The following SRGAP2 variants were observed in gnomAD, a reference collection of about 807,000 sequenced individuals.
The protein encoded by SRGAP2 is SLIT-ROBO Rho GTPase-activating protein 2.
Under a neutral mutation model 57.2 loss-of-function variants are expected in SRGAP2, and 15 were observed. That is an observed-to-expected ratio of 0.26 (90% confidence interval 0.18 to 0.40). The LOEUF (loss-of-function observed/expected upper bound fraction) is 0.40. Among genes scored for constraint, SRGAP2 ranks in the 10% least tolerant of loss-of-function variants. The pLI is 1.00. For missense variants in SRGAP2, 520 were observed against 669.6 expected (o/e 0.78, Z 2.47); for synonymous variants, 249 against 248.0 (o/e 1.00, Z -0.04).
intron 2 of SRGAP2, among the ~76,000 whole-genome samples, chr1:206,285,420 C>G (rs1375562479): frequency 4.5e-4 from 69 of 152,230 alleles, no homozygotes; most frequent in African/African-American, 1.6e-3. Context: ...CCACCTTCCC[C>G]ATGGCTGCCT....
At position 206,454,553 on chromosome 1, in the gene SRGAP2, A is replaced by C. The variant is rs1424221850; in HGVS notation, c.2361-325A>C. The C allele has an allele frequency of 2.5e-6, 1 of 407,762 alleles. No individual in the cohort carries two copies. Among genetic ancestry groups the C allele is most frequent in the Non-Finnish European group, 4.4e-6 (1 of 229,210 alleles). The allele number at this position is 407,762 out of a possible 1,614,324, so 25.3% of individuals were successfully genotyped here. On this transcript the variant is annotated intron_variant, in intron 20 of 22. Transcript: ENST00000573034. This position sits in a 1 kb window ranked among gnomAD's most constrained non-coding sequence, Gnocchi z 4.3. ...TGGACTTGCCGCCTCCTTCTCCAGGAGGCCGCCCCAGCACGGCCTCCCCAG... is the reference window on the plus strand; with the variant it reads ...TGGACTTGCCGCCTCCTTCTCCAGGCGGCCGCCCCAGCACGGCCTCCCCAG...
At chr1:206,422,188 G>A (rs1055382431) in intron 13 of SRGAP2, among the ~76,000 whole-genome samples, 2 of 152,146 alleles carry the variant, frequency 1.3e-5, no homozygotes, top group East Asian at 1.9e-4. Flanking sequence ...TAAAGAGGGC[G>A]CATGGTTTTT....
chr1:206,267,286 C>T (rs1274717709), intron 2 of SRGAP2, among the ~76,000 whole-genome samples: 5 of 152,086 alleles, frequency 3.3e-5, no homozygotes, highest in South Asian at 4.1e-4. Context: ...ACATTCATGG[C>T]GCTAGAGGCT....
chr1:206,203,741 G>A (rs1427076939), intron 1 of SRGAP2, 91 bp downstream of exon 1: 3 of 1,431,672 alleles, frequency 2.1e-6, no homozygotes, highest in African/African-American at 2.9e-5. Context: ...GGAAGGAGAG[G>A]GCGCGGATGC....
At chr1:206,457,291 C>CT (rs1663919346) in intron 21 of SRGAP2, among the ~76,000 whole-genome samples, 1 of 152,170 alleles carries the variant, frequency 6.6e-6, no homozygotes, top group Admixed American at 6.5e-5. Flanking sequence ...GTGCCAAGCA[C>CT]TGCTGGTGTT....
At chr1:206,414,117 C>T (rs1181358651) in intron 10 of SRGAP2, among the ~76,000 whole-genome samples, 2 of 150,854 alleles carry the variant, frequency 1.3e-5, no homozygotes, top group African/African-American at 2.4e-5. Flanking sequence ...CTGCAAGCTC[C>T]GCCTCCCAGG....
At chr1:206,425,980 G>A (rs1553366196) in intron 13 of SRGAP2, among the ~76,000 whole-genome samples, 1 of 151,770 alleles carries the variant, frequency 6.6e-6, no homozygotes. Context: ...CCGAGTAGCT[G>A]GGATTACAGG....
intron 10 of SRGAP2, among the ~76,000 whole-genome samples, chr1:206,411,153 C>A (rs1156477248): frequency 3.9e-5 from 6 of 152,206 alleles, no homozygotes; most frequent in African/African-American, 1.4e-4. Flanking sequence ...AGCCACCATG[C>A]CCAGCCTAAG....
At chr1:206,355,295 C>T (rs1163629193) in intron 4 of SRGAP2, among the ~76,000 whole-genome samples, 7 of 152,100 alleles carry the variant, frequency 4.6e-5, no homozygotes, top group African/African-American at 7.2e-5. Context: ...AGCTTCTGCC[C>T]GTATCCCATA....
Position 206,454,655 on chromosome 1 carries a change from C to T in SRGAP2, c.2361-223C>T. 1.9e-6 allele frequency: 1 copy of T among 513,350 alleles called. No homozygotes were observed. Among genetic ancestry groups the T allele is most frequent in the Non-Finnish European group, 3.4e-6 (1 of 292,448 alleles). The allele number at this position is 513,350 out of a possible 1,614,324, so 31.8% of individuals were successfully genotyped here. On this transcript the variant is annotated intron_variant, in intron 20 of 22. Coordinates refer to ENST00000573034, the MANE Select transcript of SRGAP2 (RefSeq NM_015326.5). This position sits in a 1 kb window ranked among gnomAD's most constrained non-coding sequence, Gnocchi z 4.3. ...CACGCTTTCCTGAGGAGCTGAGGAG[C>T]CCGCAGAACTCAGCGGATTATTTAT...
chr1:206,435,389 G>A (rs1661637940), intron 14 of SRGAP2, among the ~76,000 whole-genome samples: 1 of 152,214 alleles, frequency 6.6e-6, no homozygotes, highest in African/African-American at 2.4e-5. Flanking sequence ...CGTAACAGAG[G>A]GATTTTGACA....
intron 4 of SRGAP2, among the ~76,000 whole-genome samples, chr1:206,372,955 CTTTTCTTTCCTTTCTTTCTTTCTTT>C (rs1558358694): frequency 0.011 from 417 of 39,642 alleles, 39 homozygotes; most frequent in African/African-American, 0.016. Flanking sequence ...TTCTTTCTTT[CTTTTCTTTCCTTTCTTTCTTTCTTT>C]CTTTCTTTCT....
intron 17 of SRGAP2, among the ~76,000 whole-genome samples, chr1:206,444,005 C>T (rs560037627): frequency 6.6e-6 from 1 of 152,220 alleles, no homozygotes; most frequent in South Asian, 2.1e-4. Context: ...GCCTGGCCAA[C>T]ATGGCGAAAC....
intron 7 of SRGAP2, among the ~76,000 whole-genome samples, chr1:206,394,330 A>AG (rs2103108535): frequency 6.6e-6 from 1 of 152,234 alleles, no homozygotes; most frequent in South Asian, 2.1e-4. Context: ...CCAAAGTGCT[A>AG]GGATTACAGG....
chr1:206,435,160 A>G (rs1021138698), intron 14 of SRGAP2, among the ~76,000 whole-genome samples: 2 of 152,184 alleles, frequency 1.3e-5, no homozygotes, highest in African/African-American at 4.8e-5. Flanking sequence ...CCAGGTAACT[A>G]TATTTCCTCT....
chr1:206,447,739 G>T (rs782128680), intron 18 of SRGAP2, among the ~76,000 whole-genome samples: 5 of 152,158 alleles, frequency 3.3e-5, no homozygotes, highest in Non-Finnish European at 5.9e-5. Flanking sequence ...CAGAACCTCC[G>T]CCCTCACTTC....
chr1:206,307,507 G>T (rs1672310032), intron 3 of SRGAP2, among the ~76,000 whole-genome samples: 1 of 152,248 alleles, frequency 6.6e-6, no homozygotes, highest in South Asian at 2.1e-4. Flanking sequence ...GCAGGGGGTG[G>T]TGCTCGTCGG....
intron 2 of SRGAP2, among the ~76,000 whole-genome samples, chr1:206,298,746 A>T (rs1407577573): frequency 1.3e-5 from 2 of 152,202 alleles, no homozygotes; most frequent in African/African-American, 4.8e-5. Context: ...TGTCATTTTT[A>T]AAAAAACATA....
chr1:206,420,640 A>G (rs1245231241), intron 12 of SRGAP2, among the ~76,000 whole-genome samples: 9 of 152,176 alleles, frequency 5.9e-5, no homozygotes, highest in Non-Finnish European at 1.0e-4. Context: ...CTTCACTCAG[A>G]GCAGGACAGC....
Sources: allele counts gnomAD v4.1 joint callset (sites outside exome capture counted in the v4.1 genomes callset), GRCh38; gene constraint gnomAD v4.1.1; non-coding constraint Gnocchi (gnomAD v3.1); transcripts MANE v1.5; gene names NCBI Gene and HGNC (gene_info 2026-07-23, HGNC 2026-07-21).